Variants in PPWD1 observed in about 807,000 individuals in gnomAD.
The protein encoded by PPWD1 is peptidylprolyl isomerase domain and WD repeat containing 1.
A neutral mutation model predicts 68.8 loss-of-function variants in PPWD1; 43 were observed. That is an observed-to-expected ratio of 0.62 (90% CI 0.49 to 0.81). PPWD1 has a LOEUF of 0.81. PPWD1 is among the 30% of genes least tolerant of loss of function. The pLI is 0.00. For synonymous variants in PPWD1, 232 were observed against 258.7 expected, an observed-to-expected ratio of 0.90 and a Z score of 0.99; for missense variants, 672 against 804.8, an observed-to-expected ratio of 0.83 and a Z score of 2.00.
At chr5:65,563,667 A>G (rs1474997496) in intron 1 of PPWD1, 161 bp downstream of exon 1, 12 of 1,348,276 alleles carry the variant, frequency 8.9e-6, no homozygotes, top group Admixed American at 2.0e-5. Context: ...TGTCTTAACG[A>G]AATAGTGATT....
intron 1 of PPWD1, among the ~76,000 whole-genome samples, chr5:65,566,595 C>G (rs148562396): frequency 4.7e-4 from 72 of 152,268 alleles, no homozygotes; most frequent in African/African-American, 1.7e-3. Flanking sequence ...TTATCAGACA[C>G]AAGCCTGAAA....
In PPWD1 at chr5:65,567,357, A is replaced by G. The variant is rs543402889; in HGVS notation, c.197-156A>G. ...TGAAATAATAGACGTTAAAACTGAG[A>G]TAACATACTGGATTTTTTAATTGTG... On this transcript the variant is annotated intron_variant, in intron 1 of 10. Transcript: ENST00000261308. 419 of 797,756 alleles carry G rather than the reference A, an allele frequency of 5.3e-4. 1 individual carries two copies. Among genetic ancestry groups the G allele is most frequent in the Admixed American group, 1.7e-3 (28 of 16,050 alleles). 49.4% of individuals were successfully genotyped at this position (797,756 alleles called of 1,614,324 possible). A position where few individuals can be genotyped will look rare whatever the true frequency, so the allele number is the denominator to read the frequency against.
At chr5:65,580,842 G>A (rs1032084913) in intron 7 of PPWD1, among the ~76,000 whole-genome samples, 2 of 152,164 alleles carry the variant, frequency 1.3e-5, no homozygotes, top group African/African-American at 2.4e-5. Flanking sequence ...TCAAGTCTGA[G>A]TTAGATGTGC....
intron 7 of PPWD1, 89 bp downstream of exon 7, chr5:65,579,702 G>A: frequency 1.0e-6 from 1 of 954,624 alleles, no homozygotes; most frequent in South Asian, 3.7e-5. Flanking sequence ...TGAAGAGAAT[G>A]TTGGCACTAA....
In PPWD1 at chr5:65,576,979, G is replaced by A; in HGVS notation, c.1070G>A (p.Arg357Lys). Residue 357 changes from arginine (R) to lysine (K), a missense_variant, in exon 6 of 11, where the codon AGA (arginine) becomes AAA (lysine). Arg to Lys is a conservative substitution (Grantham distance 26, BLOSUM62 2). Coordinates refer to ENST00000261308, the MANE Select transcript of PPWD1 (RefSeq NM_015342.4). ...GAGTTGGAGAAGGTTGATGCTGTAA[G>A]ATTAATTAATATAGTTTTTGATGAA... ...ERELEKVDAVRLINIVFDETG... is the reference protein window; with the variant it reads ...ERELEKVDAVKLINIVFDETG... The A allele has an allele frequency of 6.2e-7, 1 of 1,614,158 alleles. No homozygotes were observed. The highest frequency in any genetic ancestry group is 8.5e-7 in the Non-Finnish European group (1 of 1,180,008).
Position 65,586,162 on chromosome 5 carries a change from T to C in PPWD1, c.1778T>C (p.Phe593Ser). ...AGSNTNGSQF[F>S]ITVVPTPWLD... ...TCAAATACTAATGGATCCCAGTTTT[T>C]CATAACGGTAGTACCAACGGTAAGT... The change falls in exon 10 of 11, where the codon TTC (phenylalanine) becomes TCC (serine). Residue 593 changes from phenylalanine (F) to serine (S), a missense_variant. Physicochemically the swap from Phe to Ser is radical, Grantham distance 155. Around this residue, in one of 2 missense-constraint regions of PPWD1, gnomAD observed 484 missense variants for 646.2 expected, o/e 0.75. Transcript: ENST00000261308. 1 of 1,613,124 alleles carries C rather than the reference T, an allele frequency of 6.2e-7. No individual in the cohort carries two copies. Among genetic ancestry groups the C allele is most frequent in the Non-Finnish European group, 8.5e-7 (1 of 1,179,376 alleles).
intron 6 of PPWD1, among the ~76,000 whole-genome samples, chr5:65,578,123 C>T (rs1451671920): frequency 1.3e-5 from 2 of 152,206 alleles, no homozygotes; most frequent in East Asian, 1.9e-4. Flanking sequence ...CAGATTGGCT[C>T]CTTTCGGTAA....
At chr5:65,585,974 A>C in intron 9 of PPWD1, 25 bp from the exon 10 acceptor site, 3 of 1,608,174 alleles carry the variant, frequency 1.9e-6, no homozygotes, top group Non-Finnish European at 2.5e-6. Flanking sequence ...GGACAATGTA[A>C]TGTTTTTGTG....
chr5:65,587,103 C>A, intron 10 of PPWD1, 150 bp from the exon 11 acceptor site: 2 of 868,620 alleles, frequency 2.3e-6, no homozygotes, highest in Non-Finnish European at 3.2e-6. Context: ...AAAGCTGCTA[C>A]ATTTTTATTG....
At chr5:65,564,811 T>G (rs1269053542) in intron 1 of PPWD1, among the ~76,000 whole-genome samples, 2 of 152,180 alleles carry the variant, frequency 1.3e-5, no homozygotes, top group African/African-American at 4.8e-5. Context: ...TACCCAGATA[T>G]GGTGTTTCTA....
At chr5:65,565,722 CACT>C (rs748907311) in intron 1 of PPWD1, among the ~76,000 whole-genome samples, 1 of 149,430 alleles carries the variant, frequency 6.7e-6, no homozygotes, top group Non-Finnish European at 1.5e-5. Flanking sequence ...GCAGGAGAAT[CACT>C]TGAACCCAGG....
At chr5:65,566,375 T>C (rs261247) in intron 1 of PPWD1, among the ~76,000 whole-genome samples, 94,282 of 151,988 alleles carry the variant, frequency 0.62, 29,506 homozygotes, top group South Asian at 0.65. Context: ...TTACAGCAGT[T>C]ATATCCCAGT....
At chr5:65,570,767 G>A (rs36224) in intron 4 of PPWD1, among the ~76,000 whole-genome samples, 94,118 of 151,694 alleles carry the variant, frequency 0.62, 29,459 homozygotes, top group South Asian at 0.65. Context: ...AGAAGGAAAG[G>A]GAGATCTTTT....
At chr5:65,563,861 C>G (rs767774108) in intron 1 of PPWD1, 44 of 1,463,818 alleles carry the variant, frequency 3.0e-5, no homozygotes, top group Middle Eastern at 1.7e-4. Context: ...GGTACCAGTT[C>G]TCTTTAAGGC....
chr5:65,576,785 A>G (rs553263413), intron 5 of PPWD1, 94 bp from the exon 6 acceptor site: 160 of 1,470,838 alleles, frequency 1.1e-4, no homozygotes, highest in Middle Eastern at 9.0e-4. Flanking sequence ...TTCTGCTTCT[A>G]TTTAAATTCT....
At position 65,587,299 on chromosome 5, in the gene PPWD1, G is replaced by A. The variant is rs1225939072; in HGVS notation, c.1844G>A (p.Gly615Glu). The change falls in exon 11 of 11, where the codon GGA becomes GAA. Residue 615 changes from glycine to glutamate, a missense_variant. By Grantham distance (98) the Gly-to-Glu change is moderately conservative. Transcript: ENST00000261308. ...KHTVFGRVTK[G>E]MEVVQRISNV... ...ACAGTATTTGGACGAGTGACTAAAG[G>A]AATGGAAGTTGTACAGAGGATCTCC... 6.2e-7 allele frequency: 1 copy of A among 1,612,434 alleles called. No individual in the cohort carries two copies. The highest frequency in any genetic ancestry group is 1.7e-5 in the Admixed American group (1 of 59,944).
At chr5:65,564,113 G>A (rs1752521279) in intron 1 of PPWD1, among the ~76,000 whole-genome samples, 1 of 152,108 alleles carries the variant, frequency 6.6e-6, no homozygotes, top group African/African-American at 2.4e-5. Flanking sequence ...TGTCACTAAC[G>A]AGGAATAATC....
rs755582777 is a variant in PPWD1, at chr5:65,563,455, C to T, written c.145C>T (p.Arg49Cys). ...SQENDEENEE[R>C]WVGPLPVEAT... is the part of the protein sequence containing the mutation. ...GGAGAACGATGAGGAGAACGAAGAG[C>T]GCTGGGTTGGACCTTTACCTGTGGA... The change falls in exon 1 of 11, where the codon CGC (arginine) becomes TGC (cysteine). Residue 49 changes from arginine (R) to cysteine (C), a missense_variant. Arg to Cys is a radical substitution (Grantham distance 180). Around this residue, in one of 2 missense-constraint regions of PPWD1, gnomAD observed 188 missense variants for 158.6 expected, o/e 1.19. Coordinates refer to ENST00000261308, the MANE Select transcript of PPWD1 (RefSeq NM_015342.4). 3.1e-6 allele frequency: 5 copies of T among 1,613,892 alleles called. No individual in the cohort carries two copies. The Admixed American group carries it at 8.3e-5, about 27-fold the overall frequency.
At chr5:65,586,644 T>G (rs565118353) in intron 10 of PPWD1, among the ~76,000 whole-genome samples, 28 of 152,268 alleles carry the variant, frequency 1.8e-4, no homozygotes, top group African/African-American at 6.3e-4. Context: ...AACACAAAAT[T>G]ATAAAAATTA....
Sources: gnomAD v4.1 joint callset for allele counts (sites outside exome capture counted in the v4.1 genomes callset) on GRCh38, gnomAD v4.1.1 for gene constraint, gnomAD v4.1.1 regional missense constraint, MANE v1.5 for transcripts, NCBI Gene and HGNC (gene_info 2026-07-23, HGNC 2026-07-21) for gene names.